Variants in WDR12 observed in about 807,000 individuals in gnomAD.
WDR12 encodes the protein WD repeat domain 12.
A neutral mutation model predicts 64.3 loss-of-function variants in WDR12; 42 were observed. The observed-to-expected ratio is 0.65, with a 90% confidence interval of 0.51 to 0.84. The LOEUF is 0.84. WDR12 is among the 40% of genes least tolerant of loss of function. The probability of loss-of-function intolerance (pLI) is 0.00; values close to 1 mark genes in which losing one functional copy is unlikely to be tolerated. For synonymous variants in WDR12, 158 were observed against 173.3 expected (o/e 0.91, Z 0.70); for missense variants, 469 against 494.6 (o/e 0.95, Z 0.49).
chr2:202,898,842 G>T (rs180696412), intron 4 of WDR12, among the ~76,000 whole-genome samples: 13 of 151,526 alleles, frequency 8.6e-5, no homozygotes, highest in Non-Finnish European at 1.3e-4. Context: ...GACAAATATT[G>T]CTGGGTGTAG....
At chr2:202,901,003 G>C in intron 3 of WDR12, 22 bp downstream of exon 3, 1 of 1,544,604 alleles carries the variant, frequency 6.5e-7, no homozygotes, top group Non-Finnish European at 8.8e-7. Context: ...GTGAAATACA[G>C]AAGATAAGAA....
At chr2:202,882,208 C>T (rs548509940) in intron 12 of WDR12, among the ~76,000 whole-genome samples, 2 of 152,300 alleles carry the variant, frequency 1.3e-5, no homozygotes, top group African/African-American at 2.4e-5. Flanking sequence ...GGATTACAGG[C>T]ATAAGCCACC....
intron 6 of WDR12, 146 bp downstream of exon 6, chr2:202,895,915 ATGAG>A (rs1170382165): frequency 6.3e-6 from 5 of 791,732 alleles, no homozygotes; most frequent in East Asian, 5.4e-5. Context: ...CTCCTATTGT[ATGAG>A]TATTTACTCT....
rs149233411 is a variant in WDR12 at position 202,880,896 on chromosome 2, G to A, written c.1236C>T (p.Tyr412=). The part of the protein sequence containing the change: ...SGGADNKLYS[Y]RYSPTTSHVG... ...CATGGGAAGTGGTAGGTGAATATCT[G>A]TAGGAATACAATTTATTGTCTGCTC... The change falls in exon 13 of 13, where the codon TAC becomes TAT. Residue 412 remains tyrosine, a synonymous_variant. Transcript: ENST00000261015. The A allele has an allele frequency of 7.5e-6, 12 of 1,610,074 alleles. No homozygotes were observed. The highest frequency in any genetic ancestry group is 9.3e-6 in the Non-Finnish European group (11 of 1,178,108).
Position 202,905,214 on chromosome 2 carries a change from C to T in WDR12, c.136+2651G>A, listed in dbSNP as rs192323299. ...AGGTTGGAGTGCAGTGGCACGAGCT[C>T]GGCTCACTACAACTTCCGCCTCCCG... On this transcript the variant is annotated intron_variant, in intron 2 of 12. Transcript: ENST00000261015. 1.2e-4 allele frequency among the ~76,000 whole-genome samples: 18 copies of T among 152,324 alleles called. No individual in the cohort carries two copies. The East Asian group carries it at 1.7e-3, about 15-fold the overall frequency.
At position 202,890,478 on chromosome 2, in the gene WDR12, T is replaced by C. The variant is rs1688135214; in HGVS notation, c.741+2139A>G. ...CTTGAGTATACATATTTATAAAAAT[T>C]CATTGAGCAGGCCGGGTGTGGTGGC... is the stretch of plus-strand genomic sequence containing the variant. On this transcript the variant is annotated intron_variant, in intron 8 of 12. Transcript: ENST00000261015. 2.6e-5 allele frequency among the ~76,000 whole-genome samples: 4 copies of C among 152,260 alleles called. No homozygotes were observed. In the South Asian group the frequency reaches 8.3e-4, roughly 32 times the overall value.
chr2:202,898,049 T>A (rs904672573), intron 4 of WDR12, among the ~76,000 whole-genome samples: 1 of 127,676 alleles, frequency 7.8e-6, no homozygotes. Flanking sequence ...TATTTCACTA[T>A]GTATATGTTA....
At chr2:202,907,229 C>T (rs759736078) in intron 2 of WDR12, among the ~76,000 whole-genome samples, 3 of 152,072 alleles carry the variant, frequency 2.0e-5, no homozygotes, top group Admixed American at 6.6e-5. Flanking sequence ...TTACAAACTT[C>T]AACAATTATT....
chr2:202,880,782 C>G lies in WDR12; in HGVS notation c.*78G>C. ...AACTTCAAAAGGCTGCTTTCTGCAT[C>G]TGCATCTATGTAATTTCATGGTTCT... On this transcript the variant is annotated 3_prime_UTR_variant, in exon 13 of 13. Coordinates refer to ENST00000261015, the MANE Select transcript of WDR12 (RefSeq NM_018256.4). 7.6e-7 allele frequency: 1 copy of G among 1,308,274 alleles called. No homozygotes were observed. The highest frequency in any genetic ancestry group is 2.1e-5 in the Admixed American group (1 of 48,454). 81.0% of individuals were successfully genotyped at this position (1,308,274 alleles called of 1,614,324 possible).
chr2:202,882,789 A>C lies in WDR12; in HGVS notation c.1122-6T>G, dbSNP rs1442467316. ...CATAGAGAGGAGCCTTACAACTAAA[A>C]GATGAAAATATTAACATATTATATG... On this transcript the variant is annotated splice_region_variant and splice_polypyrimidine_tract_variant and intron_variant, in intron 11 of 12. Transcript: ENST00000261015. The C allele has an allele frequency of 2.5e-6, 4 of 1,613,166 alleles. No individual in the cohort carries two copies. Among genetic ancestry groups the C allele is most frequent in the Non-Finnish European group, 3.4e-6 (4 of 1,179,292 alleles).
intron 4 of WDR12, among the ~76,000 whole-genome samples, chr2:202,898,130 A>G (rs1688285554): frequency 6.6e-6 from 1 of 151,472 alleles, no homozygotes; most frequent in Admixed American, 6.6e-5. Context: ...ACATTTCCAG[A>G]TAAGGAATAC....
In WDR12 at chr2:202,874,699, T is replaced by C. The variant is rs188059414; in HGVS notation, c.*6161A>G. On this transcript the variant is annotated 3_prime_UTR_variant, in exon 13 of 13. Transcript: ENST00000261015. ...ACCGAAGACGTCAGGAGAAGCATTA[T>C]AGGTCAGTGACAGTGGGGCCATGGA... 9.2e-4 allele frequency: 140 copies of C among 152,306 alleles called. No individual in the cohort carries two copies. Among genetic ancestry groups the C allele is most frequent in the African/African-American group, 3.3e-3 (137 of 41,566 alleles). 9.4% of individuals were successfully genotyped at this position (152,306 alleles called of 1,614,324 possible).
chr2:202,897,513 T>A (rs1688269200), intron 4 of WDR12, 98 bp from the exon 5 acceptor site: 1 of 568,150 alleles, frequency 1.8e-6, no homozygotes, highest in Non-Finnish European at 2.9e-6. Flanking sequence ...GGATTATACT[T>A]TTAAACTCTT....
In WDR12 at chr2:202,881,066, T is replaced by C. The variant is rs77512716; in HGVS notation, c.1195-129A>G. 542 of 720,650 alleles carry C rather than the reference T, an allele frequency of 7.5e-4. 10 individuals are homozygous for C. In the East Asian group the frequency reaches 0.016, roughly 21 times the overall value. The allele number at this position is 720,650 out of a possible 1,614,324, so 44.6% of individuals were successfully genotyped here. On this transcript the variant is annotated intron_variant, in intron 12 of 12. Transcript: ENST00000261015. ...ATTATGGGTGAGCAGTTAACTTGCA[T>C]TGAGAGTGAGTAAAGGGACCAACGT...
intron 8 of WDR12, among the ~76,000 whole-genome samples, chr2:202,889,456 G>C (rs1243054947): frequency 6.7e-6 from 1 of 149,330 alleles, no homozygotes; most frequent in Non-Finnish European, 1.5e-5. Flanking sequence ...CCAGGAGTTT[G>C]AGACAGCTCG....
At chr2:202,904,606 T>C (rs1688420956) in intron 2 of WDR12, among the ~76,000 whole-genome samples, 1 of 152,116 alleles carries the variant, frequency 6.6e-6, no homozygotes, top group African/African-American at 2.4e-5. Context: ...CTGGAAAAAC[T>C]GGGTATCCAT....
chr2:202,898,080 C>G (rs1030026007), intron 4 of WDR12, among the ~76,000 whole-genome samples: 7 of 2,666 alleles, frequency 2.6e-3, no homozygotes, highest in Non-Finnish European at 0.026. Flanking sequence ...ACCACCCCCA[C>G]CCAAAAAAAA....
intron 5 of WDR12, 81 bp downstream of exon 5, chr2:202,897,219 C>T (rs1163455717): frequency 1.1e-6 from 1 of 898,132 alleles, no homozygotes; most frequent in Non-Finnish European, 1.8e-6. Flanking sequence ...CACCCACTCC[C>T]CATTCTTCCC....
intron 2 of WDR12, among the ~76,000 whole-genome samples, chr2:202,904,285 G>A (rs1051201930): frequency 1.3e-5 from 2 of 150,416 alleles, no homozygotes; most frequent in African/African-American, 4.9e-5. Flanking sequence ...GCAACCTACA[G>A]ATTCAATGCA....
Sources: allele counts gnomAD v4.1 joint callset (sites outside exome capture counted in the v4.1 genomes callset), GRCh38; gene constraint gnomAD v4.1.1; transcripts MANE v1.5; gene names NCBI Gene and HGNC (gene_info 2026-07-23, HGNC 2026-07-21).